The following ANGPT2 variants were observed in gnomAD, a reference collection of about 807,000 sequenced individuals.
ANGPT2 encodes the protein angiopoietin-2.
In ANGPT2, 28 loss-of-function variants were observed where a neutral mutation model predicts 62.9. That is an observed-to-expected ratio of 0.44 (90% CI 0.33 to 0.61). The LOEUF (loss-of-function observed/expected upper bound fraction) is 0.61. ANGPT2 is among the 20% of genes least tolerant of loss of function. ANGPT2 has a pLI of 0.03. For missense variants in ANGPT2, 727 were observed against 594.9 expected (o/e 1.22, Z -2.31); for synonymous variants, 284 against 207.8 (o/e 1.37, Z -3.15).
chr8:6,553,139 C>G (rs1358939407), intron 1 of ANGPT2, among the ~76,000 whole-genome samples: 1 of 152,050 alleles, frequency 6.6e-6, no homozygotes, highest in Non-Finnish European at 1.5e-5. Flanking sequence ...TCAGTTGTAA[C>G]CAGTGCACCA....
chr8:6,557,712 C>CACAT (rs764079549), intron 1 of ANGPT2, among the ~76,000 whole-genome samples: 6 of 150,550 alleles, frequency 4.0e-5, no homozygotes, highest in Admixed American at 3.3e-4. Context: ...CACACACACA[C>CACAT]ACATACATAT....
chr8:6,544,812 G>A (rs1167190040), intron 1 of ANGPT2, among the ~76,000 whole-genome samples: 1 of 152,150 alleles, frequency 6.6e-6, no homozygotes, highest in African/African-American at 2.4e-5. Flanking sequence ...TATAACATCT[G>A]CTGAACTGTC....
chr8:6,504,243 G>T (rs961264084), intron 8 of ANGPT2, among the ~76,000 whole-genome samples: 3 of 150,620 alleles, frequency 2.0e-5, no homozygotes, highest in African/African-American at 7.3e-5. Flanking sequence ...GCGTGAACCC[G>T]GGAGGCGGAG....
chr8:6,501,862 T>C lies in ANGPT2; in HGVS notation c.*1239A>G, dbSNP rs1812261958. On this transcript the variant is annotated 3_prime_UTR_variant, in exon 9 of 9. Coordinates refer to ENST00000629816, the MANE Select transcript of ANGPT2 (RefSeq NM_001118887.2). ...TGAGCCACTGCGCCCAGCCCTGTGTTCTCAAATTTTTGGTAAATATTTAAA... is the reference window on the plus strand; with the variant it reads ...TGAGCCACTGCGCCCAGCCCTGTGTCCTCAAATTTTTGGTAAATATTTAAA... 2 of 151,960 alleles carry C rather than the reference T, an allele frequency of 1.3e-5. No homozygotes were observed. The highest frequency in any genetic ancestry group is 1.3e-4 in the Admixed American group (2 of 15,262). 9.4% of individuals were successfully genotyped at this position (151,960 alleles called of 1,614,324 possible).
At position 6,503,495 on chromosome 8, in the gene ANGPT2, C is replaced by T. The variant is rs10106962; in HGVS notation, c.1328-234G>A. Among the ~76,000 whole-genome samples, 1,070 of 152,288 alleles carry T rather than the reference C, an allele frequency of 7.0e-3. 15 individuals are homozygous for T. Among genetic ancestry groups the T allele is most frequent in the African/African-American group, 0.024 (1,009 of 41,548 alleles). ...TTTACAAGCCTTCTTCCACCTTTTCCCTTGTGCTGTGTGGAGAGGCCTGAA... is the reference window on the plus strand; with the variant it reads ...TTTACAAGCCTTCTTCCACCTTTTCTCTTGTGCTGTGTGGAGAGGCCTGAA... On this transcript the variant is annotated intron_variant, in intron 8 of 8. Transcript: ENST00000629816.
At chr8:6,560,860 T>C (rs771214556) in intron 1 of ANGPT2, among the ~76,000 whole-genome samples, 4 of 152,238 alleles carry the variant, frequency 2.6e-5, no homozygotes, top group Non-Finnish European at 5.9e-5. Context: ...TGTAAGTTAA[T>C]TAAGCAAATA....
At chr8:6,536,221 C>T (rs571040279) in intron 1 of ANGPT2, among the ~76,000 whole-genome samples, 1 of 152,220 alleles carries the variant, frequency 6.6e-6, no homozygotes, top group Admixed American at 6.5e-5. Context: ...GCGACAGGAA[C>T]AGCCACAGTA....
At chr8:6,508,848 A>T (rs1586222371) in intron 8 of ANGPT2, 84 bp downstream of exon 8, 1 of 1,567,200 alleles carries the variant, frequency 6.4e-7, no homozygotes, top group Non-Finnish European at 8.8e-7. Context: ...TACAAATCAC[A>T]ATTTGTAGTC....
chr8:6,519,541 T>G (rs1358371829), intron 5 of ANGPT2, among the ~76,000 whole-genome samples: 1 of 152,222 alleles, frequency 6.6e-6, no homozygotes. Flanking sequence ...ATACTTTCTT[T>G]AAGGAAATGA....
chr8:6,508,353 C>T (rs1814207459), intron 8 of ANGPT2: 1 of 153,712 alleles, frequency 6.5e-6, no homozygotes, highest in South Asian at 2.1e-4. Context: ...GAGGCTGAGG[C>T]AGGAGAATCG....
rs750598634 is a variant in ANGPT2, at chr8:6,562,849, A to G, written c.86T>C (p.Ile29Thr). 1.9e-6 allele frequency: 3 copies of G among 1,613,318 alleles called. No homozygotes were observed. The highest frequency in any genetic ancestry group is 1.3e-5 in the African/African-American group (1 of 74,808). The change falls in exon 1 of 9, where the codon ATA (isoleucine) becomes ACA (threonine). Residue 29 changes from isoleucine to threonine, a missense_variant. Ile to Thr is a moderately conservative substitution (Grantham distance 89). Coordinates refer to ENST00000629816, the MANE Select transcript of ANGPT2 (RefSeq NM_001118887.2). ...CTGGACCTGATATTGCTTCTTTCCT[A>G]TGCTGTCCATGCTCTTCCGAAAGTT... ...YNNFRKSMDS[I>T]GKKQYQVQHG...
At chr8:6,525,453 C>A (rs1818166486) in intron 3 of ANGPT2, among the ~76,000 whole-genome samples, 1 of 152,212 alleles carries the variant, frequency 6.6e-6, no homozygotes, top group South Asian at 2.1e-4. Flanking sequence ...TAGTCTCAAA[C>A]TCCTGGCCTC....
chr8:6,562,834 T>C lies in ANGPT2; in HGVS notation c.101A>G (p.Tyr34Cys). 6.2e-7 allele frequency: 1 copy of C among 1,613,522 alleles called. No individual in the cohort carries two copies. The highest frequency in any genetic ancestry group is 8.5e-7 in the Non-Finnish European group (1 of 1,179,860). Residue 34 changes from tyrosine to cysteine, a missense_variant, in exon 1 of 9, where the codon TAT becomes TGT. Coordinates refer to ENST00000629816, the MANE Select transcript of ANGPT2 (RefSeq NM_001118887.2). ...KSMDSIGKKQ[Y>C]QVQHGSCSYT... ...GCTGCAGGACCCATGCTGGACCTGA[T>C]ATTGCTTCTTTCCTATGCTGTCCAT... is the stretch of plus-strand genomic sequence containing the variant.
chr8:6,529,986 A>G (rs1819153577), intron 2 of ANGPT2, among the ~76,000 whole-genome samples: 1 of 151,742 alleles, frequency 6.6e-6, no homozygotes, highest in South Asian at 2.1e-4. Context: ...CTGTCCTAAC[A>G]CTTTTTCATT....
intron 7 of ANGPT2, among the ~76,000 whole-genome samples, chr8:6,510,080 G>A (rs564769598): frequency 3.3e-5 from 5 of 152,238 alleles, no homozygotes; most frequent in African/African-American, 7.2e-5. Flanking sequence ...GCAAAAATAC[G>A]GCTTACATCG....
rs1586158760 is a variant in ANGPT2, at chr8:6,502,878, A to G, written c.*223T>C. The G allele has an allele frequency of 2.2e-5, 12 of 538,234 alleles. No homozygotes were observed. The East Asian group carries it at 3.7e-4, about 17-fold the overall frequency. The allele number at this position is 538,234 out of a possible 1,614,324, so 33.3% of individuals were successfully genotyped here. ...TCATCTTTGCATAGGTGTTCTGTCT[A>G]ATCACAATTATGGATGTTTAGGGTC... On this transcript the variant is annotated 3_prime_UTR_variant, in exon 9 of 9. Coordinates refer to ENST00000629816, the MANE Select transcript of ANGPT2 (RefSeq NM_001118887.2).
intron 1 of ANGPT2, among the ~76,000 whole-genome samples, chr8:6,549,439 G>A (rs1280109489): frequency 6.6e-6 from 1 of 152,226 alleles, no homozygotes; most frequent in Non-Finnish European, 1.5e-5. Context: ...GATTGGCGTT[G>A]AGAAGAGGGG....
chr8:6,518,307 C>T (rs563773098), intron 5 of ANGPT2, among the ~76,000 whole-genome samples: 1 of 152,308 alleles, frequency 6.6e-6, no homozygotes, highest in Non-Finnish European at 1.5e-5. Flanking sequence ...ACAGAATTGT[C>T]ATGAAAACCA....
At position 6,521,301 on chromosome 8, in the gene ANGPT2, T is replaced by C; in HGVS notation, c.676A>G (p.Ile226Val). The C allele has an allele frequency of 1.2e-6, 2 of 1,613,850 alleles. No individual in the cohort carries two copies. The highest frequency in any genetic ancestry group is 1.7e-6 in the Non-Finnish European group (2 of 1,179,912). ...LQVLVSKQNS[I>V]IEELEKKIVT... The stretch of plus-strand genomic sequence containing the variant: ...ATTTTTTTTTCTAGTTCTTCAATGA[T>C]GGAATTTTGCTTGGATACTAACACC... The change falls in exon 4 of 9, where the codon ATC becomes GTC. Residue 226 changes from isoleucine (I) to valine (V), a missense_variant. By Grantham distance (29) the Ile-to-Val change is conservative. Transcript: ENST00000629816.
Sources: gnomAD v4.1 joint callset for allele counts (sites outside exome capture counted in the v4.1 genomes callset) on GRCh38, gnomAD v4.1.1 for gene constraint, MANE v1.5 for transcripts, NCBI Gene and HGNC (gene_info 2026-07-23, HGNC 2026-07-21) for gene names.